IMPG2: variants seen among roughly 807,000 people sequenced by gnomAD.
The protein encoded by IMPG2 is interphotoreceptor matrix proteoglycan 2, also known as IPM 200.
IMPG2 carries 91 observed loss-of-function variants against 129.2 expected under a neutral mutation model. That is an observed-to-expected ratio of 0.70 (90% CI 0.59 to 0.84). The LOEUF is 0.84. Among genes scored for constraint, IMPG2 ranks in the 40% least tolerant of loss-of-function variants. IMPG2 has a pLI of 0.00. For missense variants in IMPG2, 1,430 were observed against 1,461.7 expected, an observed-to-expected ratio of 0.98 and a Z score of 0.35; for synonymous variants, 510 against 517.7, an observed-to-expected ratio of 0.99 and a Z score of 0.20.
At chr3:101,308,677 T>TC (rs36094841) in intron 2 of IMPG2, among the ~76,000 whole-genome samples, 2 of 152,250 alleles carry the variant, frequency 1.3e-5, no homozygotes, top group African/African-American at 4.8e-5. Context: ...GAAGACATTT[T>TC]CCCCATTGTC....
At chr3:101,318,903 A>C (rs1304005576) in intron 2 of IMPG2, among the ~76,000 whole-genome samples, 1 of 152,176 alleles carries the variant, frequency 6.6e-6, no homozygotes, top group Non-Finnish European at 1.5e-5. Context: ...TACTGTTTAA[A>C]GACAAAATAA....
At chr3:101,312,373 A>G (rs901006132) in intron 2 of IMPG2, among the ~76,000 whole-genome samples, 7 of 152,148 alleles carry the variant, frequency 4.6e-5, no homozygotes, top group African/African-American at 1.4e-4. Context: ...TTCTGAACAG[A>G]CATTTTCAAA....
chr3:101,229,513 C>T lies in IMPG2; in HGVS notation c.3500G>A (p.Arg1167Lys), dbSNP rs781000020. 3.1e-6 allele frequency: 5 copies of T among 1,613,916 alleles called. No homozygotes were observed. The South Asian group carries it at 5.5e-5, about 18-fold the overall frequency. The change falls in exon 17 of 19, where the codon AGG (arginine) becomes AAG (lysine). Residue 1167 changes from arginine to lysine, a missense_variant. By Grantham distance (26) the Arg-to-Lys change is conservative (BLOSUM62 2). Coordinates refer to ENST00000193391, the MANE Select transcript of IMPG2 (RefSeq NM_016247.4). ...TCCCTCATACTTCTCACATCCAGCC[C>T]TGTGACTTTCATACACGGGGTTGTA... ...VKYNPVYESH[R>K]AGCEKYEGPY...
At chr3:101,304,032 T>C (rs62282886) in intron 3 of IMPG2, 114 bp downstream of exon 3, 147,123 of 1,118,154 alleles carry the variant, frequency 0.13, 9,927 homozygotes, top group Middle Eastern at 0.17. Context: ...GATAGCCCAA[T>C]TCAACAAAAG....
chr3:101,285,665 A>C (rs557501232), intron 4 of IMPG2, among the ~76,000 whole-genome samples: 2 of 152,332 alleles, frequency 1.3e-5, no homozygotes, highest in African/African-American at 4.8e-5. Flanking sequence ...GTCTAATATA[A>C]AGTAGTTACT....
intron 18 of IMPG2, 110 bp from the exon 19 acceptor site, chr3:101,227,091 C>T (rs1706233071): frequency 2.5e-6 from 3 of 1,218,366 alleles, no homozygotes; most frequent in Non-Finnish European, 3.6e-6. Context: ...TGAATACTTT[C>T]TATTTTTTTC....
In IMPG2 at chr3:101,269,952, A is replaced by T. The variant is rs557654052; in HGVS notation, c.829-379T>A. ...TTTTTTTTTTTTTTTTTTTTTTGAG[A>T]CAGAGTTTCACTCTGCCGCCCAGGC... is the stretch of plus-strand genomic sequence containing the variant. On this transcript the variant is annotated intron_variant, in intron 7 of 18. Transcript: ENST00000193391. 6.1e-3 allele frequency among the ~76,000 whole-genome samples: 726 copies of T among 119,882 alleles called. 1 individual carries two copies. The highest frequency in any genetic ancestry group is 0.034 in the Middle Eastern group (6 of 178). The allele number at this position is 119,882 out of a possible 152,430, so 78.6% of individuals were successfully genotyped here.
intron 2 of IMPG2, among the ~76,000 whole-genome samples, chr3:101,315,798 T>C (rs1223967348): frequency 6.6e-6 from 1 of 152,024 alleles, no homozygotes; most frequent in African/African-American, 2.4e-5. Context: ...GATTCTAATA[T>C]TTATATGGAA....
At chr3:101,242,492 G>A (rs1005748317) in intron 14 of IMPG2, among the ~76,000 whole-genome samples, 196 bp downstream of exon 14, 5 of 152,164 alleles carry the variant, frequency 3.3e-5, no homozygotes, top group African/African-American at 9.7e-5. Flanking sequence ...ATGTTTGGAC[G>A]ATGTTTTGAA....
In IMPG2 at chr3:101,305,362, T is replaced by C. The variant is rs948710379; in HGVS notation, c.335-1050A>G. ...GGATGAATAGGAGGAGCATAGCAGATTTTTAGGGCAGTGAGAGTACTCCAT... is the reference window on the plus strand; with the variant it reads ...GGATGAATAGGAGGAGCATAGCAGACTTTTAGGGCAGTGAGAGTACTCCAT... On this transcript the variant is annotated intron_variant, in intron 2 of 18. Transcript: ENST00000193391. 4.6e-4 allele frequency among the ~76,000 whole-genome samples: 70 copies of C among 152,098 alleles called. 2 individuals carry two copies. Among genetic ancestry groups the C allele is most frequent in the Non-Finnish European group, 1.3e-4 (9 of 67,978 alleles).
intron 3 of IMPG2, among the ~76,000 whole-genome samples, chr3:101,292,934 T>C (rs905364117): frequency 6.6e-6 from 1 of 152,326 alleles, no homozygotes; most frequent in Admixed American, 6.5e-5. Context: ...TATTATGAAA[T>C]TGTAGCAATT....
At chr3:101,244,903 G>A in intron 12 of IMPG2, 116 bp from the exon 13 acceptor site, 1 of 874,746 alleles carries the variant, frequency 1.1e-6, no homozygotes, top group Non-Finnish European at 1.8e-6. Flanking sequence ...GACAATTGTT[G>A]ACTTTTGCTT....
At chr3:101,270,626 G>A (rs564307564) in intron 7 of IMPG2, among the ~76,000 whole-genome samples, 25 of 151,982 alleles carry the variant, frequency 1.6e-4, no homozygotes, top group East Asian at 9.7e-4. Flanking sequence ...GGTGAAACCC[G>A]TCTCTACTAA....
At chr3:101,283,286 A>C (rs1396725013) in intron 4 of IMPG2, among the ~76,000 whole-genome samples, 1 of 152,014 alleles carries the variant, frequency 6.6e-6, no homozygotes, top group Non-Finnish European at 1.5e-5. Flanking sequence ...CAGCCTCCCA[A>C]AGTGCTGGGA....
rs376707733 is a variant in IMPG2 at position 101,310,748 on chromosome 3, A to G, written c.335-6436T>C. On this transcript the variant is annotated intron_variant, in intron 2 of 18. Transcript: ENST00000193391. ...GAAAAACATTATTGTGTGCCGAAGA[A>G]ATGTAGTTGGAAGGAATATGGGAGA... Among the ~76,000 whole-genome samples, 169 of 152,304 alleles carry G rather than the reference A, an allele frequency of 1.1e-3. 7 individuals carry two copies. The South Asian group carries it at 0.034, about 31-fold the overall frequency.
chr3:101,293,389 G>GA (rs903791371), intron 3 of IMPG2, among the ~76,000 whole-genome samples: 26 of 150,372 alleles, frequency 1.7e-4, no homozygotes, highest in African/African-American at 5.8e-4. Flanking sequence ...GTGATACTTG[G>GA]AAAAAAAAAA....
intron 3 of IMPG2, among the ~76,000 whole-genome samples, chr3:101,300,431 G>A (rs945698565): frequency 4.6e-5 from 7 of 152,232 alleles, no homozygotes; most frequent in Admixed American, 1.3e-4. Flanking sequence ...TGCCCCTCCC[G>A]CGGGGAGCTC....
intron 2 of IMPG2, among the ~76,000 whole-genome samples, chr3:101,309,869 T>G (rs1329108471): frequency 4.6e-5 from 7 of 152,192 alleles, no homozygotes; most frequent in Non-Finnish European, 8.8e-5. Flanking sequence ...AATTACTAAT[T>G]CATGCAACAA....
At chr3:101,285,243 GGT>G (rs1576763436) in intron 4 of IMPG2, among the ~76,000 whole-genome samples, 2 of 152,138 alleles carry the variant, frequency 1.3e-5, no homozygotes, top group African/African-American at 2.4e-5. Context: ...TTCCTCTACT[GGT>G]CCATCTTTGC....
Sources: allele counts gnomAD v4.1 joint callset (sites outside exome capture counted in the v4.1 genomes callset), GRCh38; gene constraint gnomAD v4.1.1; transcripts MANE v1.5; gene names NCBI Gene and HGNC (gene_info 2026-07-23, HGNC 2026-07-21).